Variants in PCDHGC3 observed in about 807,000 individuals in gnomAD.
PCDHGC3 encodes protocadherin gamma-C3.
Under a neutral mutation model 59.2 loss-of-function variants are expected in PCDHGC3, and 26 were observed. The ratio of observed to expected loss-of-function variants is 0.44; its 90% CI spans 0.32 to 0.61. The LOEUF is 0.61. Among genes scored for constraint, PCDHGC3 ranks in the 20% least tolerant of loss-of-function variants. The probability of loss-of-function intolerance (pLI) is 0.05; values close to 1 mark genes in which losing one functional copy is unlikely to be tolerated. For synonymous variants in PCDHGC3, 487 were observed against 519.7 expected, an observed-to-expected ratio of 0.94 and a Z score of 0.86; for missense variants, 1,080 against 1,221.8, an observed-to-expected ratio of 0.88 and a Z score of 1.73.
At chr5:141,482,719 G>C (rs1221351410) in intron 1 of PCDHGC3, among the ~76,000 whole-genome samples, 1 of 129,252 alleles carries the variant, frequency 7.7e-6, no homozygotes, top group African/African-American at 3.5e-5. Flanking sequence ...GGCAGGGAGG[G>C]GCCATTGCAA....
At chr5:141,509,953 G>A (rs987910496) in intron 3 of PCDHGC3, among the ~76,000 whole-genome samples, 4 of 152,282 alleles carry the variant, frequency 2.6e-5, no homozygotes, top group Non-Finnish European at 4.4e-5. Context: ...AAATGCTACC[G>A]GGTATGGCCT....
In PCDHGC3 at chr5:141,485,417, G is replaced by A. The variant is rs1340790133; in HGVS notation, c.2430+6871G>A. The A allele has an allele frequency of 1.2e-6, 2 of 1,614,166 alleles. No homozygotes were observed. Among genetic ancestry groups the A allele is most frequent in the Non-Finnish European group, 8.5e-7 (1 of 1,180,038 alleles). ...ACACTTCCGTGTGGATTTGGACAGCGGAGCCCTGCTCATCAAGAACCCAAT... is the reference window on the plus strand; with the variant it reads ...ACACTTCCGTGTGGATTTGGACAGCAGAGCCCTGCTCATCAAGAACCCAAT... On this transcript the variant is annotated intron_variant, in intron 1 of 3. Coordinates refer to ENST00000308177, the MANE Select transcript of PCDHGC3 (RefSeq NM_002588.4). The surrounding 1 kb of genome is among the most constrained non-coding windows in gnomAD (Gnocchi z 5.7).
chr5:141,481,434 A>C (rs1374254063), intron 1 of PCDHGC3, among the ~76,000 whole-genome samples: 1 of 152,256 alleles, frequency 6.6e-6, no homozygotes, highest in East Asian at 1.9e-4. Context: ...TGATTGTATC[A>C]GTTTAGTACA....
Position 141,485,831 on chromosome 5 carries a change from C to T in PCDHGC3, c.2430+7285C>T. 1 of 1,614,080 alleles carries T rather than the reference C, an allele frequency of 6.2e-7. No individual in the cohort carries two copies. The highest frequency in any genetic ancestry group is 8.5e-7 in the Non-Finnish European group (1 of 1,180,026). ...GCTGACTGCTGTCGATGGAGGGAAC[C>T]CGCCGAGATCTGGCACCGCAGAGCT... On this transcript the variant is annotated intron_variant, in intron 1 of 3. Coordinates refer to ENST00000308177, the MANE Select transcript of PCDHGC3 (RefSeq NM_002588.4). This position sits in a 1 kb window ranked among gnomAD's most constrained non-coding sequence, Gnocchi z 5.7.
At position 141,485,443 on chromosome 5, in the gene PCDHGC3, C is replaced by A. The variant is rs2099613637; in HGVS notation, c.2430+6897C>A. 5 of 1,614,054 alleles carry A rather than the reference C, an allele frequency of 3.1e-6. No individual in the cohort carries two copies. The East Asian group carries it at 6.7e-5, about 22-fold the overall frequency. ...GAGCCCTGCTCATCAAGAACCCAAT[C>A]GACCGAGAGGCACTGTGTGGGCTCA... On this transcript the variant is annotated intron_variant, in intron 1 of 3. Coordinates refer to ENST00000308177, the MANE Select transcript of PCDHGC3 (RefSeq NM_002588.4). This position sits in a 1 kb window ranked among gnomAD's most constrained non-coding sequence, Gnocchi z 5.7.
rs763239421 is a variant in PCDHGC3, at chr5:141,477,265, G to C, written c.1149G>C (p.Glu383Asp). 1 of 1,614,198 alleles carries C rather than the reference G, an allele frequency of 6.2e-7. No homozygotes were observed. Among genetic ancestry groups the C allele is most frequent in the Admixed American group, 1.7e-5 (1 of 60,020 alleles). Residue 383 changes from glutamate to aspartate, a missense_variant, in exon 1 of 4, where the codon GAG (glutamate) becomes GAC (aspartate). Coordinates refer to ENST00000308177, the MANE Select transcript of PCDHGC3 (RefSeq NM_002588.4). The surrounding 1 kb of genome is among the most constrained non-coding windows in gnomAD (Gnocchi z 4.9). ...GTGTGACTGACCTGGATGCTGGCGA[G>C]AACGGGCTGGTGACCTGCGAAGTTC... Reference protein sequence around the residue: ...LLSVTDLDAGENGLVTCEVPP... With the variant: ...LLSVTDLDAGDNGLVTCEVPP...
chr5:141,481,691 C>T (rs929210528), intron 1 of PCDHGC3, among the ~76,000 whole-genome samples: 7 of 152,080 alleles, frequency 4.6e-5, no homozygotes, highest in African/African-American at 1.4e-4. Flanking sequence ...TGGTGGCTCA[C>T]GCCTGTAATC....
At position 141,512,161 on chromosome 5, in the gene PCDHGC3, G is replaced by A. The variant is rs1176664723; in HGVS notation, c.*988G>A. On this transcript the variant is annotated 3_prime_UTR_variant, in exon 4 of 4. Transcript: ENST00000308177. ...AGCCAGCTTTGGGCTGAGCTAACAGGACCAATGGATTAAACTGGCATTTCA... is the reference window on the plus strand; with the variant it reads ...AGCCAGCTTTGGGCTGAGCTAACAGAACCAATGGATTAAACTGGCATTTCA... The A allele has an allele frequency of 6.5e-6, 1 of 152,704 alleles. No homozygotes were observed. Among genetic ancestry groups the A allele is most frequent in the African/African-American group, 2.4e-5 (1 of 41,440 alleles). 9.5% of individuals were successfully genotyped at this position (152,704 alleles called of 1,614,324 possible). A position where few individuals can be genotyped will look rare whatever the true frequency, so the allele number is the denominator to read the frequency against.
intron 2 of PCDHGC3, among the ~76,000 whole-genome samples, chr5:141,501,331 ACACC>A (rs747366952): frequency 1.4e-5 from 2 of 138,844 alleles, no homozygotes; most frequent in Non-Finnish European, 3.2e-5. Context: ...ACACACACAC[ACACC>A]CCAAACTCAA....
chr5:141,508,800 C>A (rs973992018), intron 3 of PCDHGC3, among the ~76,000 whole-genome samples: 1 of 152,086 alleles, frequency 6.6e-6, no homozygotes, highest in African/African-American at 2.4e-5. Context: ...CTCTGGAATC[C>A]TGGCTCTTTG....
chr5:141,484,002 A>T, intron 1 of PCDHGC3, among the ~76,000 whole-genome samples: 1 of 25,484 alleles, frequency 3.9e-5, no homozygotes, highest in African/African-American at 1.7e-4. Context: ...GGAGGTCTGG[A>T]TGAGGGTGGG....
chr5:141,482,102 A>T (rs1016315214), intron 1 of PCDHGC3, among the ~76,000 whole-genome samples: 13 of 151,860 alleles, frequency 8.6e-5, no homozygotes, highest in African/African-American at 2.7e-4. Context: ...AAAAAAAAAA[A>T]AAATATCTAG....
intron 2 of PCDHGC3, among the ~76,000 whole-genome samples, chr5:141,498,352 CA>C: frequency 6.6e-6 from 1 of 151,890 alleles, no homozygotes; most frequent in African/African-American, 2.4e-5. Flanking sequence ...AAAGCCTATG[CA>C]AAAGCCTTGT....
chr5:141,498,703 G>A (rs961006063), intron 2 of PCDHGC3, among the ~76,000 whole-genome samples: 7 of 152,228 alleles, frequency 4.6e-5, no homozygotes, highest in Non-Finnish European at 8.8e-5. Flanking sequence ...AGGCTGAGGT[G>A]GGTGGATCAC....
At chr5:141,484,672 A>G (rs1253641119) in intron 1 of PCDHGC3, among the ~76,000 whole-genome samples, 1 of 151,990 alleles carries the variant, frequency 6.6e-6, no homozygotes, top group African/African-American at 2.4e-5. Flanking sequence ...AGTGGGCCGC[A>G]GGTTGCTAGG....
intron 1 of PCDHGC3, chr5:141,478,860 A>C: frequency 1.9e-5 from 25 of 1,331,544 alleles, no homozygotes; most frequent in Middle Eastern, 2.6e-4. Context: ...ACAAGATCTC[A>C]GCGATCAGAG....
chr5:141,494,929 GGA>G, intron 2 of PCDHGC3, 64 bp downstream of exon 2: 1 of 1,613,142 alleles, frequency 6.2e-7, no homozygotes, highest in Non-Finnish European at 8.5e-7. Flanking sequence ...TGACGTGGGA[GGA>G]GATGGGGGAG....
chr5:141,490,205 C>A lies in PCDHGC3; in HGVS notation c.2431-4602C>A. 1 of 1,614,168 alleles carries A rather than the reference C, an allele frequency of 6.2e-7. No individual in the cohort carries two copies. The highest frequency in any genetic ancestry group is 8.5e-7 in the Non-Finnish European group (1 of 1,180,004). ...CGTTTCTATGAAATTCATGCAAGAG[C>A]CCGTGACCAGGGACAGCCTGCCATG... On this transcript the variant is annotated intron_variant, in intron 1 of 3. Transcript: ENST00000308177. This position sits in a 1 kb window ranked among gnomAD's most constrained non-coding sequence, Gnocchi z 5.4.
At chr5:141,497,129 T>G (rs528066007) in intron 2 of PCDHGC3, among the ~76,000 whole-genome samples, 1 of 151,692 alleles carries the variant, frequency 6.6e-6, no homozygotes, top group Admixed American at 6.6e-5. Flanking sequence ...GAGGTTGCAG[T>G]GAGCTGAGAT....
Sources: gnomAD v4.1 joint callset for allele counts (sites outside exome capture counted in the v4.1 genomes callset) on GRCh38, gnomAD v4.1.1 for gene constraint, Gnocchi (gnomAD v3.1) non-coding constraint, MANE v1.5 for transcripts, NCBI Gene and HGNC (gene_info 2026-07-23, HGNC 2026-07-21) for gene names.